Variants in LGSN observed in about 807,000 individuals in gnomAD.
LGSN encodes lengsin, lens protein with glutamine synthetase domain.
In LGSN, 21 loss-of-function variants were observed where a neutral mutation model predicts 19.5. The ratio of observed to expected loss-of-function variants is 1.07; its 90% CI spans 0.76 to 1.55. The LOEUF (loss-of-function observed/expected upper bound fraction) is 1.55. Among genes scored for constraint, LGSN ranks in the 40% most tolerant of loss-of-function variants. LGSN has a pLI of 0.00. For missense variants in LGSN, 673 were observed against 608.5 expected, an observed-to-expected ratio of 1.11 and a Z score of -1.12; for synonymous variants, 257 against 215.6, an observed-to-expected ratio of 1.19 and a Z score of -1.68.
At chr6:63,410,048 A>T in the LGSN span, among the ~76,000 whole-genome samples, 2 of 152,144 alleles carry the variant, frequency 1.3e-5, no homozygotes, top group Non-Finnish European at 2.9e-5. Context: ...AAAAAATTAA[A>T]ATAAAATAAA....
At chr6:63,495,608 C>T in the LGSN span, among the ~76,000 whole-genome samples, 4 of 151,514 alleles carry the variant, frequency 2.6e-5, no homozygotes, top group African/African-American at 9.7e-5. Context: ...CACCACCATG[C>T]CTTGCTAATT....
the LGSN span, among the ~76,000 whole-genome samples, chr6:63,388,837 A>T: frequency 1.3e-5 from 2 of 152,264 alleles, no homozygotes; most frequent in Non-Finnish European, 2.9e-5. Flanking sequence ...TGGTTCTAAT[A>T]GACAAAAAGG....
the LGSN span, among the ~76,000 whole-genome samples, chr6:63,563,869 A>G: frequency 6.6e-6 from 1 of 152,248 alleles, no homozygotes; most frequent in Non-Finnish European, 1.5e-5. Flanking sequence ...AAAACTGGGA[A>G]TAGGATGCCC....
At chr6:63,412,772 G>GAAAGAAAGAAAGAAACAAAGA in the LGSN span, among the ~76,000 whole-genome samples, 10 of 41,150 alleles carry the variant, frequency 2.4e-4, no homozygotes, top group Non-Finnish European at 4.0e-4. Flanking sequence ...AGAAAGAAAG[G>GAAAGAAAGAAAGAAACAAAGA]AAGGAAGGGA....
At chr6:63,494,169 C>T in the LGSN span, among the ~76,000 whole-genome samples, 4 of 151,898 alleles carry the variant, frequency 2.6e-5, no homozygotes, top group South Asian at 2.1e-4. Context: ...AAGCTGGTCT[C>T]GAATTTCTGA....
the LGSN span, among the ~76,000 whole-genome samples, chr6:63,351,288 C>T: frequency 1.3e-5 from 2 of 152,042 alleles, no homozygotes; most frequent in East Asian, 3.8e-4. Flanking sequence ...ATCTGCCACC[C>T]AGTTTATGGT....
chr6:63,477,052 T>C, the LGSN span, among the ~76,000 whole-genome samples: 244 of 152,350 alleles, frequency 1.6e-3, no homozygotes, highest in Non-Finnish European at 3.0e-3. Flanking sequence ...TTAAATTTGT[T>C]TCTAACATTT....
chr6:63,276,699 T>G lies in LGSN; in HGVS notation c.*3322A>C, dbSNP rs1767114946. 6.6e-6 allele frequency: 1 copy of G among 152,190 alleles called. No homozygotes were observed. Among genetic ancestry groups the G allele is most frequent in the African/African-American group, 2.4e-5 (1 of 41,448 alleles). The allele number at this position is 152,190 out of a possible 1,614,324, so 9.4% of individuals were successfully genotyped here. Reference sequence around the variant, plus strand: ...TCTTTCATTGTCTGCTCATCTTTGTTTTGGTCTCCCCTAGTATGATGGCTC... The same window carrying G: ...TCTTTCATTGTCTGCTCATCTTTGTGTTGGTCTCCCCTAGTATGATGGCTC... On this transcript the variant is annotated 3_prime_UTR_variant, in exon 4 of 4. Coordinates refer to ENST00000370657, the MANE Select transcript of LGSN (RefSeq NM_016571.3).
chr6:63,306,302 G>T (rs1346888450), intron 1 of LGSN, among the ~76,000 whole-genome samples: 2 of 152,126 alleles, frequency 1.3e-5, no homozygotes, highest in Non-Finnish European at 2.9e-5. Flanking sequence ...TATTTGAGGT[G>T]CTTCCTACAT....
chr6:63,464,038 G>GA, the LGSN span, among the ~76,000 whole-genome samples: 7 of 151,326 alleles, frequency 4.6e-5, no homozygotes, highest in African/African-American at 1.2e-4. Context: ...GAGCATAAAT[G>GA]AAAAAAAATT....
intron 1 of LGSN, among the ~76,000 whole-genome samples, chr6:63,302,893 G>A (rs1366380008): frequency 7.2e-5 from 11 of 152,212 alleles, no homozygotes; most frequent in African/African-American, 2.2e-4. Context: ...TTGGGATGCC[G>A]AGGTAGGTGG....
At chr6:63,456,059 C>T in the LGSN span, among the ~76,000 whole-genome samples, 85 of 151,398 alleles carry the variant, frequency 5.6e-4, no homozygotes, top group African/African-American at 2.0e-3. Context: ...GAAACCCCGT[C>T]TCTACTAAAA....
chr6:63,412,772 G>GAAAGAAAGAAAGAAAGA, the LGSN span, among the ~76,000 whole-genome samples: 157 of 41,180 alleles, frequency 3.8e-3, 1 homozygote, highest in East Asian at 6.2e-3. Flanking sequence ...AGAAAGAAAG[G>GAAAGAAAGAAAGAAAGA]AAGGAAGGGA....
At chr6:63,559,902 C>CA in the LGSN span, among the ~76,000 whole-genome samples, 1 of 152,102 alleles carries the variant, frequency 6.6e-6, no homozygotes, top group Non-Finnish European at 1.5e-5. Context: ...GTTGGAATTA[C>CA]AGGGGTGATC....
chr6:63,517,026 CT>C, the LGSN span, among the ~76,000 whole-genome samples: 2 of 152,120 alleles, frequency 1.3e-5, no homozygotes, highest in African/African-American at 4.8e-5. Context: ...ATATTTATTT[CT>C]CTGTCTGCCA....
At chr6:63,371,011 A>G in the LGSN span, among the ~76,000 whole-genome samples, 1 of 152,234 alleles carries the variant, frequency 6.6e-6, no homozygotes, top group Non-Finnish European at 1.5e-5. Context: ...AAAAAGAAAC[A>G]TAAGACAAAC....
chr6:63,541,911 T>C, the LGSN span, among the ~76,000 whole-genome samples: 1 of 152,288 alleles, frequency 6.6e-6, no homozygotes, highest in East Asian at 1.9e-4. Context: ...TTTCCTGGTG[T>C]CTCCCATCTT....
In LGSN at chr6:63,291,216, C is replaced by G. The variant is rs568074407; in HGVS notation, c.163+3697G>C. Among the ~76,000 whole-genome samples the G allele has an allele frequency of 2.6e-5, 4 of 152,302 alleles. No homozygotes were observed. The South Asian group carries it at 8.3e-4, about 32-fold the overall frequency. ...CCTACAGCAGTGTTTAGGGGTGTTACCATGCTCTTTTAGTTTTGCCATCCA... is the reference window on the plus strand; with the variant it reads ...CCTACAGCAGTGTTTAGGGGTGTTAGCATGCTCTTTTAGTTTTGCCATCCA... On this transcript the variant is annotated intron_variant, in intron 2 of 3. Transcript: ENST00000370657.
chr6:63,439,791 T>A, the LGSN span, among the ~76,000 whole-genome samples: 1 of 152,336 alleles, frequency 6.6e-6, no homozygotes, highest in South Asian at 2.1e-4. Context: ...CTGCATCATT[T>A]GTCAAAGCTC....
Sources: allele counts gnomAD v4.1 joint callset (sites outside exome capture counted in the v4.1 genomes callset), GRCh38; gene constraint gnomAD v4.1.1; transcripts MANE v1.5; gene names NCBI Gene and HGNC (gene_info 2026-07-23, HGNC 2026-07-21).